The following CDH13 variants were observed in gnomAD, a reference collection of about 807,000 sequenced individuals.
The protein encoded by CDH13 is cadherin-13.
Under a neutral mutation model 63.8 loss-of-function variants are expected in CDH13, and 24 were observed. The observed-to-expected ratio is 0.38, with a 90% confidence interval of 0.27 to 0.53. The LOEUF is 0.53. CDH13 is among the 20% of genes least tolerant of loss of function. The pLI, the probability that CDH13 is intolerant of heterozygous loss-of-function variation, is 0.85. For synonymous variants in CDH13, 503 were observed against 355.3 expected, an observed-to-expected ratio of 1.42 and a Z score of -4.67; for missense variants, 1,049 against 903.1, an observed-to-expected ratio of 1.16 and a Z score of -2.07.
intron 1 of CDH13, among the ~76,000 whole-genome samples, chr16:82,743,972 C>G (rs1374722760): frequency 6.6e-6 from 1 of 152,176 alleles, no homozygotes; most frequent in Non-Finnish European, 1.5e-5. Context: ...ATACCAGGTG[C>G]TCTTTTAGAC....
At chr16:83,776,014 A>G (rs974139733) in intron 11 of CDH13, among the ~76,000 whole-genome samples, 3 of 152,134 alleles carry the variant, frequency 2.0e-5, no homozygotes, top group South Asian at 2.1e-4. Context: ...ATTTTTCTCT[A>G]TCCCGTGCAT....
intron 8 of CDH13, among the ~76,000 whole-genome samples, chr16:83,629,519 C>G (rs567632561): frequency 6.6e-6 from 1 of 152,302 alleles, no homozygotes; most frequent in African/African-American, 2.4e-5. Flanking sequence ...CATCTCTCCA[C>G]TTTATTAAAA....
intron 7 of CDH13, among the ~76,000 whole-genome samples, chr16:83,593,193 C>T (rs187999338): frequency 2.6e-4 from 40 of 152,288 alleles, no homozygotes; most frequent in Admixed American, 1.8e-3. Context: ...CCCAGCTGAT[C>T]GGGACAAAGC....
At chr16:82,910,039 A>G (rs777832683) in intron 2 of CDH13, among the ~76,000 whole-genome samples, 2 of 152,192 alleles carry the variant, frequency 1.3e-5, no homozygotes, top group Non-Finnish European at 1.5e-5. Flanking sequence ...AAGTAGTGGC[A>G]TGCGACCCTT....
At chr16:83,278,163 T>C (rs918812454) in intron 5 of CDH13, among the ~76,000 whole-genome samples, 1 of 152,146 alleles carries the variant, frequency 6.6e-6, no homozygotes, top group African/African-American at 2.4e-5. Flanking sequence ...AAATTTGCAG[T>C]TATTCAATTT....
intron 1 of CDH13, among the ~76,000 whole-genome samples, chr16:82,691,251 C>T (rs1215713832): frequency 6.6e-6 from 1 of 152,160 alleles, no homozygotes; most frequent in Non-Finnish European, 1.5e-5. Flanking sequence ...TACTGTGCAC[C>T]TCAGAGGCCA....
intron 5 of CDH13, among the ~76,000 whole-genome samples, chr16:83,227,263 C>G (rs2039868509): frequency 6.6e-6 from 1 of 152,204 alleles, no homozygotes; most frequent in South Asian, 2.1e-4. Flanking sequence ...AGCACTGTGG[C>G]ATGGGAAGTG....
At chr16:83,162,768 C>T (rs1388926907) in intron 4 of CDH13, among the ~76,000 whole-genome samples, 1 of 152,106 alleles carries the variant, frequency 6.6e-6, no homozygotes, top group Non-Finnish European at 1.5e-5. Context: ...AGTCCAAAAT[C>T]TGTATTTGTG....
chr16:82,934,771 T>C (rs1437330822), intron 2 of CDH13, among the ~76,000 whole-genome samples: 1 of 152,230 alleles, frequency 6.6e-6, no homozygotes. Context: ...TGCTAAAGCA[T>C]AGCAAGAGTG....
At chr16:82,789,983 C>A (rs1426911091) in intron 1 of CDH13, among the ~76,000 whole-genome samples, 1 of 152,056 alleles carries the variant, frequency 6.6e-6, no homozygotes, top group East Asian at 1.9e-4. Context: ...TGTCTATTGG[C>A]GAGATTTCTT....
rs367812199 is a variant in CDH13 at position 83,460,982 on chromosome 16, A to AACACACACACACACAC, written c.782-25483_782-25482insACACACACACACACAC. ...GTGACAGAATTAGACCTTGTCTCAA[A>AACACACACACACACAC]ACACACACACACGCACACACACACA... On this transcript the variant is annotated intron_variant, in intron 6 of 13. Transcript: ENST00000567109. Among the ~76,000 whole-genome samples, 145 of 134,330 alleles carry AACACACACACACACAC rather than the reference A, an allele frequency of 1.1e-3. 2 individuals carry two copies. Among genetic ancestry groups the AACACACACACACACAC allele is most frequent in the East Asian group, 6.4e-3 (27 of 4,244 alleles). The allele number at this position is 134,330 out of a possible 152,430, so 88.1% of individuals were successfully genotyped here.
intron 8 of CDH13, among the ~76,000 whole-genome samples, chr16:83,662,553 G>A (rs764123032): frequency 1.3e-5 from 2 of 152,178 alleles, no homozygotes; most frequent in Non-Finnish European, 2.9e-5. Flanking sequence ...GGTGGCTGCG[G>A]AGATGAACCA....
intron 3 of CDH13, among the ~76,000 whole-genome samples, chr16:83,119,557 C>G (rs1276656208): frequency 6.6e-6 from 1 of 152,242 alleles, no homozygotes; most frequent in Non-Finnish European, 1.5e-5. Flanking sequence ...TTCCCATACA[C>G]TGCTCTTCTG....
At chr16:82,758,019 G>A (rs1044941969) in intron 1 of CDH13, among the ~76,000 whole-genome samples, 3 of 152,148 alleles carry the variant, frequency 2.0e-5, no homozygotes, top group Non-Finnish European at 2.9e-5. Context: ...GTGTGTGAAT[G>A]CAAAGGTAAT....
At chr16:82,817,849 G>T (rs781597717) in intron 1 of CDH13, among the ~76,000 whole-genome samples, 1 of 152,054 alleles carries the variant, frequency 6.6e-6, no homozygotes, top group Non-Finnish European at 1.5e-5. Flanking sequence ...ATAAAAGCAT[G>T]CACGCATGCA....
chr16:83,643,776 C>T (rs1396173053), intron 8 of CDH13, among the ~76,000 whole-genome samples: 1 of 152,172 alleles, frequency 6.6e-6, no homozygotes, highest in Non-Finnish European at 1.5e-5. Flanking sequence ...ACAGGTAGTA[C>T]TGCAAATTCA....
chr16:82,991,786 C>T (rs997435544), intron 2 of CDH13, among the ~76,000 whole-genome samples: 6 of 152,064 alleles, frequency 3.9e-5, no homozygotes, highest in Non-Finnish European at 8.8e-5. Flanking sequence ...GAAGTTTGAG[C>T]ACAGCTGATC....
intron 5 of CDH13, among the ~76,000 whole-genome samples, chr16:83,297,780 A>T (rs946623287): frequency 1.3e-5 from 2 of 152,192 alleles, no homozygotes; most frequent in African/African-American, 4.8e-5. Flanking sequence ...CAAATGACCA[A>T]AGGAATGGAA....
intron 4 of CDH13, among the ~76,000 whole-genome samples, chr16:83,147,121 G>A (rs4365277): frequency 0.28 from 41,878 of 152,018 alleles, 6,586 homozygotes; most frequent in African/African-American, 0.43. Flanking sequence ...CACTCCAAAG[G>A]TGGAGCGATA....
Sources: gnomAD v4.1 joint callset for allele counts (sites outside exome capture counted in the v4.1 genomes callset) on GRCh38, gnomAD v4.1.1 for gene constraint, MANE v1.5 for transcripts, NCBI Gene and HGNC (gene_info 2026-07-23, HGNC 2026-07-21) for gene names.